EDIL3: variants seen among roughly 807,000 people sequenced by gnomAD.
EDIL3 encodes EGF like and discoidin domains 3.
In EDIL3, 37 loss-of-function variants were observed where a neutral mutation model predicts 67.4. The observed-to-expected ratio is 0.55, with a 90% CI of 0.42 to 0.72. The LOEUF is 0.72. Ranked by LOEUF, EDIL3 falls within the 30% of genes least tolerant of loss-of-function variation. EDIL3 has a pLI of 0.00. For missense variants in EDIL3, 527 were observed against 586.3 expected (o/e 0.90, Z 1.04); for synonymous variants, 195 against 196.3 (o/e 0.99, Z 0.05).
At chr5:84,112,125 G>A (rs348898) in intron 5 of EDIL3, among the ~76,000 whole-genome samples, 1 of 151,748 alleles carries the variant, frequency 6.6e-6, no homozygotes, top group Admixed American at 6.6e-5. Flanking sequence ...TGCAGAAGAC[G>A]GTGATGATAG....
At chr5:84,136,824 G>A (rs1748100788) in intron 5 of EDIL3, among the ~76,000 whole-genome samples, 1 of 152,066 alleles carries the variant, frequency 6.6e-6, no homozygotes, top group Non-Finnish European at 1.5e-5. Context: ...AGTGTGCCCT[G>A]TCTATCTGGT....
intron 1 of EDIL3, among the ~76,000 whole-genome samples, chr5:84,311,162 A>AT (rs959781973): frequency 5.9e-5 from 9 of 151,994 alleles, no homozygotes; most frequent in African/African-American, 1.9e-4. Flanking sequence ...CACTATAGAC[A>AT]TTTTTTATAA....
chr5:84,158,836 T>C (rs1457051668), intron 4 of EDIL3, among the ~76,000 whole-genome samples: 4 of 152,036 alleles, frequency 2.6e-5, no homozygotes, highest in African/African-American at 9.7e-5. Flanking sequence ...AAACCTGAGG[T>C]TAAGAAATTA....
At chr5:84,306,039 A>C (rs1032680140) in intron 1 of EDIL3, among the ~76,000 whole-genome samples, 5 of 152,178 alleles carry the variant, frequency 3.3e-5, no homozygotes, top group African/African-American at 1.2e-4. Flanking sequence ...GGAGAAAAAA[A>C]AAAGTCTCTC....
At chr5:84,059,348 A>G (rs1746503104) in intron 9 of EDIL3, among the ~76,000 whole-genome samples, 1 of 152,228 alleles carries the variant, frequency 6.6e-6, no homozygotes, top group Admixed American at 6.5e-5. Context: ...GGCAACAGTG[A>G]GCTATGATTG....
At chr5:84,194,291 G>A (rs1393108469) in intron 3 of EDIL3, among the ~76,000 whole-genome samples, 3 of 151,710 alleles carry the variant, frequency 2.0e-5, no homozygotes, top group Non-Finnish European at 4.4e-5. Flanking sequence ...CATTTTTGCT[G>A]TCCTTAGAAG....
rs10042511 is a variant in EDIL3 at position 84,028,872 on chromosome 5, C to T, written c.1137+31428G>A. 8.6e-3 allele frequency among the ~76,000 whole-genome samples: 1,308 copies of T among 152,106 alleles called. 20 individuals carry two copies. Among genetic ancestry groups the T allele is most frequent in the African/African-American group, 0.03 (1,234 of 41,490 alleles). On this transcript the variant is annotated intron_variant, in intron 9 of 10. Coordinates refer to ENST00000296591, the MANE Select transcript of EDIL3 (RefSeq NM_005711.5). ...ACCCAAATTTCATCTTGAATTCCCA[C>T]GTGTTGTGGGAGGGACCTGGTGGGA...
chr5:84,275,162 A>G (rs993039913), intron 1 of EDIL3, among the ~76,000 whole-genome samples: 3 of 152,276 alleles, frequency 2.0e-5, no homozygotes, highest in African/African-American at 7.2e-5. Flanking sequence ...TTTTTACTGT[A>G]CCAAACCACC....
At chr5:84,296,726 C>T (rs2112125004) in intron 1 of EDIL3, among the ~76,000 whole-genome samples, 1 of 152,266 alleles carries the variant, frequency 6.6e-6, no homozygotes. Context: ...ATCATAAAAT[C>T]TCTGCCATGC....
chr5:83,971,065 T>A (rs923794066), intron 9 of EDIL3, among the ~76,000 whole-genome samples: 1 of 151,672 alleles, frequency 6.6e-6, no homozygotes, highest in African/African-American at 2.4e-5. Flanking sequence ...TATTTATTAT[T>A]TTCCTCTGCA....
At chr5:84,075,385 A>G (rs1271871649) in intron 6 of EDIL3, among the ~76,000 whole-genome samples, 1 of 152,202 alleles carries the variant, frequency 6.6e-6, no homozygotes, top group Non-Finnish European at 1.5e-5. Flanking sequence ...TTTTTATTAC[A>G]AGAACATCAC....
chr5:84,334,063 G>A (rs542916449), intron 1 of EDIL3, among the ~76,000 whole-genome samples: 1 of 132,496 alleles, frequency 7.5e-6, no homozygotes, highest in African/African-American at 2.8e-5. Flanking sequence ...ATGTGGAAGA[G>A]TTGATTTTTT....
intron 4 of EDIL3, among the ~76,000 whole-genome samples, chr5:84,138,592 A>G (rs1580345070): frequency 6.6e-6 from 1 of 152,236 alleles, no homozygotes; most frequent in Non-Finnish European, 1.5e-5. Context: ...AAGCAAGAAG[A>G]TCATTAAATT....
intron 3 of EDIL3, among the ~76,000 whole-genome samples, chr5:84,202,723 G>A (rs1743869964): frequency 6.6e-6 from 1 of 152,142 alleles, no homozygotes; most frequent in South Asian, 2.1e-4. Context: ...CTAGCTGATG[G>A]CTGAAAATGA....
rs571222408 is a variant in EDIL3 at position 83,971,278 on chromosome 5, C to CT, written c.1138-7919dup. ...CATAAAGAAAAAAATATCCTTTTTT[C>CT]TTTTTTTTTTTTTTAAAGAGACAGG... On this transcript the variant is annotated intron_variant, in intron 9 of 10. Coordinates refer to ENST00000296591, the MANE Select transcript of EDIL3 (RefSeq NM_005711.5). Among the ~76,000 whole-genome samples, 975 of 139,376 alleles carry CT rather than the reference C, an allele frequency of 7.0e-3. 6 individuals carry two copies. The highest frequency in any genetic ancestry group is 0.011 in the East Asian group (51 of 4,808). 91.4% of individuals were successfully genotyped at this position (139,376 alleles called of 152,430 possible).
intron 1 of EDIL3, among the ~76,000 whole-genome samples, chr5:84,289,989 C>T (rs561423566): frequency 1.3e-5 from 2 of 152,304 alleles, no homozygotes; most frequent in African/African-American, 2.4e-5. Flanking sequence ...AGCACATACA[C>T]TTCCTAACTT....
At chr5:84,259,094 G>T (rs1745175262) in intron 1 of EDIL3, among the ~76,000 whole-genome samples, 1 of 151,404 alleles carries the variant, frequency 6.6e-6, no homozygotes, top group Non-Finnish European at 1.5e-5. Context: ...AGAGTGGCTG[G>T]GACTACAGTC....
At chr5:83,978,100 T>C (rs1744905677) in intron 9 of EDIL3, among the ~76,000 whole-genome samples, 1 of 151,862 alleles carries the variant, frequency 6.6e-6, no homozygotes, top group East Asian at 1.9e-4. Flanking sequence ...GCATATGATA[T>C]AATAGAAAAG....
chr5:84,349,226 C>T (rs892037993), intron 1 of EDIL3, among the ~76,000 whole-genome samples: 5 of 152,116 alleles, frequency 3.3e-5, no homozygotes, highest in Non-Finnish European at 5.9e-5. Context: ...CGGATTTTTC[C>T]GCAGGCTTGT....
Sources: gnomAD v4.1 joint callset for allele counts (sites outside exome capture counted in the v4.1 genomes callset) on GRCh38, gnomAD v4.1.1 for gene constraint, MANE v1.5 for transcripts, NCBI Gene and HGNC (gene_info 2026-07-23, HGNC 2026-07-21) for gene names.